C22orf31: variants seen among roughly 807,000 people sequenced by gnomAD.
The protein encoded by C22orf31 is uncharacterized protein C22orf31.
Under a neutral mutation model 15.0 loss-of-function variants are expected in C22orf31, and 11 were observed. The ratio of observed to expected loss-of-function variants is 0.73; its 90% CI spans 0.46 to 1.21. The LOEUF (loss-of-function observed/expected upper bound fraction) is 1.21. Among genes scored for constraint, C22orf31 ranks in the 50% most tolerant of loss-of-function variants. The probability of loss-of-function intolerance (pLI) is 0.00; values close to 1 mark genes in which losing one functional copy is unlikely to be tolerated. For missense variants in C22orf31, 340 were observed against 347.2 expected (o/e 0.98, Z 0.17); for synonymous variants, 132 against 133.3 (o/e 0.99, Z 0.07).
At chr22:29,070,108 G>A in the C22orf31 span, among the ~76,000 whole-genome samples, 1 of 152,158 alleles carries the variant, frequency 6.6e-6, no homozygotes, top group Non-Finnish European at 1.5e-5. Context: ...GCCAAGCCCG[G>A]ATAATTTTTT....
chr22:29,058,855 G>A lies in C22orf31; in HGVS notation c.760C>T (p.Gln254Ter), dbSNP rs1187090925. ...KQKLWEALCSQGAISEGAQRD... is the reference protein window; with the variant it reads ...KQKLWEALCS The stretch of plus-strand genomic sequence containing the variant: ...TGAGCACCTTCAGAGATGGCACCCT[G>A]ACTGCAAAGAGCCTCCCAGAGCTTT... Residue 254 changes from glutamine to a stop codon, truncating the protein, a stop_gained, in exon 3 of 3, where the codon CAG becomes TAG. Transcript: ENST00000216071. LOFTEE classifies it low-confidence loss of function (END_TRUNC). 1.2e-6 allele frequency: 2 copies of A among 1,614,134 alleles called. No homozygotes were observed. Among genetic ancestry groups the A allele is most frequent in the East Asian group, 2.2e-5 (1 of 44,880 alleles).
the C22orf31 span, among the ~76,000 whole-genome samples, chr22:29,068,938 T>C: frequency 6.6e-6 from 1 of 151,810 alleles, no homozygotes; most frequent in African/African-American, 2.4e-5. Flanking sequence ...CTAGTTTTTG[T>C]ATTTTTGTAG....
intron 1 of C22orf31, among the ~76,000 whole-genome samples, chr22:29,061,164 G>T (rs1359409711): frequency 6.6e-6 from 1 of 152,160 alleles, no homozygotes; most frequent in South Asian, 2.1e-4. Context: ...GGACGGCAGG[G>T]TCACTCAAGA....
upstream of C22orf31, among the ~76,000 whole-genome samples, chr22:29,065,835 A>G (rs1049096651): frequency 6.6e-6 from 1 of 152,220 alleles, no homozygotes; most frequent in Non-Finnish European, 1.5e-5. Context: ...TAGGGCTTCC[A>G]TGTTGCTGAA....
Position 29,059,142 on chromosome 22 carries a change from T to A in C22orf31, c.473A>T (p.Gln158Leu), listed in dbSNP as rs751143451. The A allele has an allele frequency of 6.2e-7, 1 of 1,612,478 alleles. No homozygotes were observed. Among genetic ancestry groups the A allele is most frequent in the Non-Finnish European group, 8.5e-7 (1 of 1,179,428 alleles). Residue 158 changes from glutamine (Q) to leucine (L), a missense_variant, in exon 3 of 3, where the codon CAA becomes CTA. Gln to Leu is a moderately radical substitution (Grantham distance 113). Coordinates refer to ENST00000216071, the MANE Select transcript of C22orf31 (RefSeq NM_015370.2). ...SSKEKKLTVR[Q>L]DLEDRYAEHV... ...TTCAGCATATCTGTCCTCAAGATCT[T>A]GGCGGACTGTTAGTTTTTTCTCCTT...
intron 1 of C22orf31, among the ~76,000 whole-genome samples, chr22:29,061,286 G>A (rs116031970): frequency 6.6e-6 from 1 of 152,098 alleles, no homozygotes; most frequent in Non-Finnish European, 1.5e-5. Context: ...GTGTGGGGGG[G>A]ACGGAGTTTA....
the C22orf31 span, among the ~76,000 whole-genome samples, chr22:29,067,507 C>T: frequency 2.4e-4 from 37 of 151,986 alleles, 1 homozygote; most frequent in Admixed American, 2.2e-3. Flanking sequence ...AGTGACATGA[C>T]CTTGGCTCAC....
Position 29,059,808 on chromosome 22 carries a change from A to T in C22orf31, c.432+607T>A, listed in dbSNP as rs1351046978. The T allele has an allele frequency of 1.1e-5, 11 of 985,078 alleles. No individual in the cohort carries two copies. In the East Asian group the frequency reaches 1.1e-3, roughly 102 times the overall value. The allele number at this position is 985,078 out of a possible 1,614,324, so 61.0% of individuals were successfully genotyped here. On this transcript the variant is annotated intron_variant, in intron 2 of 2. Coordinates refer to ENST00000216071, the MANE Select transcript of C22orf31 (RefSeq NM_015370.2). Reference sequence around the variant, plus strand: ...CACAAGCATGCACTACCCATATCCTAGCCTTCCTTCTCACCCTTATTTTTC... The same window carrying T: ...CACAAGCATGCACTACCCATATCCTTGCCTTCCTTCTCACCCTTATTTTTC...
rs757772802 is a variant in C22orf31 at position 29,058,751 on chromosome 22, G to A, written c.864C>T (p.Ser288=). The A allele has an allele frequency of 6.9e-6, 11 of 1,599,010 alleles. No individual in the cohort carries two copies. The highest frequency in any genetic ancestry group is 9.4e-6 in the Non-Finnish European group (11 of 1,174,790). ...CCATGAGTTCTTGTTCCTATTTTTT[G>A]CTCTTTAACTTGGGCCATTTCTTGA... ...PVLKKWPKLK[S]KK Residue 288 remains serine (S), a synonymous_variant, in exon 3 of 3, where the codon AGC becomes AGT. Coordinates refer to ENST00000216071, the MANE Select transcript of C22orf31 (RefSeq NM_015370.2).
the C22orf31 span, among the ~76,000 whole-genome samples, chr22:29,069,601 C>T: frequency 7.9e-3 from 1,205 of 152,240 alleles, 12 homozygotes; most frequent in African/African-American, 0.027. Context: ...ATGAGTATCC[C>T]GGGTTGCTCT....
At chr22:29,068,248 A>T in the C22orf31 span, among the ~76,000 whole-genome samples, 1 of 149,536 alleles carries the variant, frequency 6.7e-6, no homozygotes, top group South Asian at 2.2e-4. Context: ...CACCTGGCTA[A>T]TTTTTATTTA....
chr22:29,061,500 A>G (rs2037391477), intron 1 of C22orf31, among the ~76,000 whole-genome samples: 2 of 152,052 alleles, frequency 1.3e-5, no homozygotes, highest in African/African-American at 2.4e-5. Flanking sequence ...TCCCCACCTC[A>G]GATGATCCGC....
At chr22:29,059,659 G>T (rs1265145585) in intron 2 of C22orf31, 11 of 983,616 alleles carry the variant, frequency 1.1e-5, no homozygotes, top group Non-Finnish European at 1.3e-5. Context: ...CTGATGGCCT[G>T]CTGGCCACCA....
the C22orf31 span, among the ~76,000 whole-genome samples, chr22:29,068,116 CT>C: frequency 2.1e-5 from 3 of 145,530 alleles, no homozygotes; most frequent in East Asian, 6.5e-4. Flanking sequence ...CAGAGTCTCA[CT>C]CTTGCCTGGG....
At chr22:29,062,215 T>C (rs998561864), upstream of C22orf31, among the ~76,000 whole-genome samples, 1 of 152,156 alleles carries the variant, frequency 6.6e-6, no homozygotes, top group Non-Finnish European at 1.5e-5. Flanking sequence ...TAGTCAAATA[T>C]GCAGACCAGA....
intron 2 of C22orf31, 136 bp downstream of exon 2, chr22:29,060,279 C>A: frequency 1.2e-6 from 1 of 807,540 alleles, no homozygotes; most frequent in East Asian, 2.5e-5. Context: ...GTGATCCTCC[C>A]TGCTTGGCCT....
Position 29,059,064 on chromosome 22 carries a change from T to C in C22orf31, c.551A>G (p.Lys184Arg). The change falls in exon 3 of 3, where the codon AAG becomes AGG. Residue 184 changes from lysine (K) to arginine (R), a missense_variant. By Grantham distance (26) the Lys-to-Arg change is conservative. Transcript: ENST00000216071. ...LPQDSGTAAWKGRVLLPETQK... is the reference protein window; with the variant it reads ...LPQDSGTAAWRGRVLLPETQK... ...GGTTTCAGGAAGCAACACTCGGCCC[T>C]TCCAGGCTGCTGTCCCACTGTCCTG... The C allele has an allele frequency of 1.2e-6, 2 of 1,614,224 alleles. No individual in the cohort carries two copies. Among genetic ancestry groups the C allele is most frequent in the South Asian group, 2.2e-5 (2 of 91,092 alleles).
At chr22:29,062,092 A>G (rs2037397347), upstream of C22orf31, among the ~76,000 whole-genome samples, 2 of 152,166 alleles carry the variant, frequency 1.3e-5, no homozygotes, top group Admixed American at 1.3e-4. Context: ...AAGAAGTTCT[A>G]TACGGTTTTG....
intron 2 of C22orf31, 132 bp downstream of exon 2, chr22:29,060,282 CT>C: frequency 1.2e-6 from 1 of 825,098 alleles, no homozygotes; most frequent in Non-Finnish European, 1.9e-6. Context: ...ATCCTCCCTG[CT>C]TGGCCTCCCA....
Sources: allele counts gnomAD v4.1 joint callset (sites outside exome capture counted in the v4.1 genomes callset), GRCh38; gene constraint gnomAD v4.1.1; transcripts MANE v1.5; gene names NCBI Gene and HGNC (gene_info 2026-07-23, HGNC 2026-07-21).